The following RUBCN variants were observed in gnomAD, a reference collection of about 807,000 sequenced individuals.
The protein encoded by RUBCN is rubicon autophagy regulator, also known as run domain Beclin-1-interacting and cysteine-rich domain-containing protein.
A neutral mutation model predicts 113.2 loss-of-function variants in RUBCN; 74 were observed. The ratio of observed to expected loss-of-function variants is 0.65; its 90% confidence interval spans 0.54 to 0.79. RUBCN has a LOEUF of 0.79. RUBCN is among the 30% of genes least tolerant of loss of function. The probability of loss-of-function intolerance (pLI) is 0.00; values close to 1 mark genes in which losing one functional copy is unlikely to be tolerated. For missense variants in RUBCN, 1,109 were observed against 1,251.7 expected (o/e 0.89, Z 1.72); for synonymous variants, 480 against 490.0 (o/e 0.98, Z 0.27).
intron 5 of RUBCN, among the ~76,000 whole-genome samples, chr3:197,702,587 C>T (rs762596941): frequency 6.6e-5 from 10 of 152,086 alleles, no homozygotes; most frequent in Admixed American, 2.0e-4. Context: ...CACTTGAACC[C>T]GGGAGGCGGA....
chr3:197,676,518 C>T (rs1484737867), intron 18 of RUBCN: 36 of 805,870 alleles, frequency 4.5e-5, no homozygotes, highest in Non-Finnish European at 5.3e-5. Context: ...TCATCATGTT[C>T]GTCAGGCTGG....
At position 197,749,220 on chromosome 3, in the gene RUBCN, A is replaced by G. The variant is rs147316072; in HGVS notation, c.-116+49T>C. 2.1e-5 allele frequency: 21 copies of G among 989,336 alleles called. No individual in the cohort carries two copies. In the East Asian group the frequency reaches 1.8e-3, roughly 86 times the overall value. The allele number at this position is 989,336 out of a possible 1,614,324, so 61.3% of individuals were successfully genotyped here. A position where few individuals can be genotyped will look rare whatever the true frequency, so the allele number is the denominator to read the frequency against. On this transcript the variant is annotated intron_variant, in intron 1 of 20. Coordinates refer to the RUBCN transcript ENST00000273582. Reference sequence around the variant, plus strand: ...AAACGAACCCTTCTATCCATTCCCAATGCAAATGAATTAGAAGAAAATGCA... The same window carrying G: ...AAACGAACCCTTCTATCCATTCCCAGTGCAAATGAATTAGAAGAAAATGCA...
intron 16 of RUBCN, among the ~76,000 whole-genome samples, chr3:197,680,324 T>TCTAA (rs750094209): frequency 7.5e-6 from 1 of 133,022 alleles, no homozygotes; most frequent in Non-Finnish European, 1.6e-5. Context: ...TGTCCTACGC[T>TCTAA]CTGACAACTG....
chr3:197,715,457 G>A (rs1725423300), intron 2 of RUBCN, among the ~76,000 whole-genome samples: 1 of 152,012 alleles, frequency 6.6e-6, no homozygotes. Flanking sequence ...ATAGTTCTCG[G>A]ATTGTCCTAG....
intron 8 of RUBCN, among the ~76,000 whole-genome samples, chr3:197,696,601 G>A (rs189583893): frequency 2.0e-5 from 3 of 147,856 alleles, no homozygotes; most frequent in African/African-American, 7.8e-5. Context: ...TCCTCTGCAT[G>A]ATTTCCACAT....
chr3:197,732,340 G>A (rs997517678), intron 1 of RUBCN, among the ~76,000 whole-genome samples: 1 of 152,220 alleles, frequency 6.6e-6, no homozygotes, highest in African/African-American at 2.4e-5. Context: ...TTTGAGACGA[G>A]TCTCACTCTG....
intron 2 of RUBCN, among the ~76,000 whole-genome samples, chr3:197,713,017 G>A (rs1424530412): frequency 5.3e-5 from 8 of 152,034 alleles, no homozygotes; most frequent in Non-Finnish European, 8.8e-5. Flanking sequence ...GCACCACCAC[G>A]CCCGGCTAAT....
chr3:197,715,142 GGC>G (rs1580320664), intron 2 of RUBCN, among the ~76,000 whole-genome samples: 2 of 151,742 alleles, frequency 1.3e-5, no homozygotes, highest in East Asian at 3.9e-4. Flanking sequence ...ACACAAAACT[GGC>G]TGGGCGTGGT....
At chr3:197,732,170 G>A (rs573808522) in intron 1 of RUBCN, among the ~76,000 whole-genome samples, 1 of 152,332 alleles carries the variant, frequency 6.6e-6, no homozygotes, top group East Asian at 1.9e-4. Flanking sequence ...CAGGAGCACT[G>A]AGCAGTACAT....
intron 2 of RUBCN, among the ~76,000 whole-genome samples, chr3:197,705,785 G>A (rs1217775477): frequency 6.6e-6 from 1 of 152,068 alleles, no homozygotes; most frequent in African/African-American, 2.4e-5. Flanking sequence ...CTGGAGTGCA[G>A]TGGCGTGATC....
intron 11 of RUBCN, among the ~76,000 whole-genome samples, chr3:197,688,428 T>G (rs968963570): frequency 2.6e-5 from 4 of 152,234 alleles, no homozygotes; most frequent in African/African-American, 9.6e-5. Flanking sequence ...CTTGAGAGTC[T>G]TCTTTACTCC....
chr3:197,743,145 G>C (rs1728595676), intron 1 of RUBCN, among the ~76,000 whole-genome samples: 3 of 152,236 alleles, frequency 2.0e-5, no homozygotes, highest in Admixed American at 2.0e-4. Context: ...AGGCGGGCAG[G>C]CTCCTCCGGA....
In RUBCN at chr3:197,701,034, G is replaced by C. The variant is rs1560434366; in HGVS notation, c.840C>G (p.Val280=). The change falls in exon 7 of 20, where the codon GTC becomes GTG. Residue 280 remains valine, a synonymous_variant. Coordinates refer to ENST00000296343, the MANE Select transcript of RUBCN (RefSeq NM_014687.4). ...DQTIQAPPVS[V]SALARDSPLT... ...AAGGGGAATCCCTGGCTAGTGCAGA[G>C]ACTGAAACTGGGGGGGCTTGGATGG... The C allele has an allele frequency of 6.2e-7, 1 of 1,614,122 alleles. No homozygotes were observed. The highest frequency in any genetic ancestry group is 8.5e-7 in the Non-Finnish European group (1 of 1,179,982).
In RUBCN at chr3:197,695,877, C is replaced by T. The variant is rs1347684614; in HGVS notation, c.1462G>A (p.Asp488Asn). 22 of 1,614,072 alleles carry T rather than the reference C, an allele frequency of 1.4e-5. No individual in the cohort carries two copies. The highest frequency in any genetic ancestry group is 1.7e-4 in the Middle Eastern group (1 of 6,058). Reference sequence around the variant, plus strand: ...CCTCGATTTCCCACCTTTTCCAGGTCGGCACAGCTGCCGAAGTCTTGCTCA... The same window carrying T: ...CCTCGATTTCCCACCTTTTCCAGGTTGGCACAGCTGCCGAAGTCTTGCTCA... ...LSEQDFGSCA[D>N]LEKENAHFSI... is the part of the protein sequence containing the mutation. Residue 488 changes from aspartate to asparagine, a missense_variant, in exon 9 of 20, where the codon GAC becomes AAC. Coordinates refer to ENST00000296343, the MANE Select transcript of RUBCN (RefSeq NM_014687.4).
chr3:197,725,648 C>T (rs1726658900), intron 1 of RUBCN, among the ~76,000 whole-genome samples: 1 of 151,076 alleles, frequency 6.6e-6, no homozygotes, highest in Admixed American at 6.6e-5. Context: ...CAGACGTGAG[C>T]CACTGCACGC....
Position 197,705,143 on chromosome 3 carries a change from G to T in RUBCN, c.252C>A (p.Phe84Leu), listed in dbSNP as rs768108966. The stretch of plus-strand genomic sequence containing the variant: ...GACTGAGCCACCGGATGTCTTTCAC[G>T]AACTGCCAGTAATCCGTCTGGCGGC... The part of the protein sequence containing the change: ...ACRRQTDYWQ[F>L]VKDIRWLSPH... The change falls in exon 3 of 20, where the codon TTC (phenylalanine) becomes TTA (leucine). Residue 84 changes from phenylalanine to leucine, a missense_variant. Phe to Leu is a conservative substitution (Grantham distance 22). This residue lies in a region of RUBCN where 736 missense variants were observed against 779.6 expected (regional missense o/e 0.94). Transcript: ENST00000296343. The T allele has an allele frequency of 1.2e-6, 2 of 1,614,092 alleles. No homozygotes were observed. Among genetic ancestry groups the T allele is most frequent in the Non-Finnish European group, 8.5e-7 (1 of 1,180,004 alleles).
upstream of RUBCN, among the ~76,000 whole-genome samples, chr3:197,739,590 G>T (rs1209764042): frequency 6.6e-6 from 1 of 152,122 alleles, no homozygotes; most frequent in East Asian, 1.9e-4. Flanking sequence ...CAGCTACTCC[G>T]GAGGCTGAGG....
At chr3:197,709,212 C>G (rs1168022699) in intron 2 of RUBCN, among the ~76,000 whole-genome samples, 1 of 152,136 alleles carries the variant, frequency 6.6e-6, no homozygotes, top group Non-Finnish European at 1.5e-5. Context: ...GGTCATGTTG[C>G]ATAAGCAGTT....
At chr3:197,684,123 TC>T in intron 12 of RUBCN, 33 bp downstream of exon 12, 2 of 1,530,086 alleles carry the variant, frequency 1.3e-6, no homozygotes, top group Non-Finnish European at 1.8e-6. Flanking sequence ...CCTAAGGTTT[TC>T]TTTTCTTTTT....
Sources: gnomAD v4.1 joint callset for allele counts (sites outside exome capture counted in the v4.1 genomes callset) on GRCh38, gnomAD v4.1.1 for gene constraint, gnomAD v4.1.1 regional missense constraint, MANE v1.5 for transcripts, NCBI Gene and HGNC (gene_info 2026-07-23, HGNC 2026-07-21) for gene names.